Variants in CHAT observed in about 807,000 individuals in gnomAD.
CHAT encodes the protein choline O-acetyltransferase.
In CHAT, 61 loss-of-function variants were observed where a neutral mutation model predicts 76.9. The ratio of observed to expected loss-of-function variants is 0.79; its 90% CI spans 0.65 to 0.98. The LOEUF (loss-of-function observed/expected upper bound fraction) is 0.98. CHAT is among the 50% of genes least tolerant of loss of function. The pLI is 0.00. For missense variants in CHAT, 946 were observed against 986.9 expected, an observed-to-expected ratio of 0.96 and a Z score of 0.56; for synonymous variants, 407 against 397.4, an observed-to-expected ratio of 1.02 and a Z score of -0.29.
chr10:49,659,470 C>T (rs768692488), intron 13 of CHAT, among the ~76,000 whole-genome samples: 1 of 152,094 alleles, frequency 6.6e-6, no homozygotes, highest in African/African-American at 2.4e-5. Context: ...CACAAATCAA[C>T]AGTTGTTGAG....
At chr10:49,620,101 G>T (rs1390438904) in intron 3 of CHAT, among the ~76,000 whole-genome samples, 185 bp downstream of exon 3, 1 of 152,076 alleles carries the variant, frequency 6.6e-6, no homozygotes, top group Admixed American at 6.5e-5. Flanking sequence ...GGACAAGGAT[G>T]AGAAACAAAC....
At chr10:49,644,425 G>C (rs1269720593) in intron 7 of CHAT, among the ~76,000 whole-genome samples, 1 of 152,184 alleles carries the variant, frequency 6.6e-6, no homozygotes, top group Non-Finnish European at 1.5e-5. Context: ...GAGCTTACAG[G>C]AAGGGGAGTT....
intron 7 of CHAT, among the ~76,000 whole-genome samples, chr10:49,638,951 A>G (rs1002562992): frequency 6.6e-6 from 1 of 152,104 alleles, no homozygotes; most frequent in African/African-American, 2.4e-5. Context: ...AAACTTTCTT[A>G]GGGACCAGCT....
upstream of CHAT, chr10:49,610,483 C>A (rs1838260201): frequency 5.0e-6 from 2 of 400,856 alleles, no homozygotes; most frequent in South Asian, 1.2e-4. Flanking sequence ...CCCCTCGGCG[C>A]GCCCGACTTC....
chr10:49,664,449 A>G (rs1276186980), intron 14 of CHAT, among the ~76,000 whole-genome samples: 1 of 152,130 alleles, frequency 6.6e-6, no homozygotes, highest in Non-Finnish European at 1.5e-5. Flanking sequence ...TTAGTAAATT[A>G]CCTGATTGCC....
intron 4 of CHAT, 42 bp from the exon 5 acceptor site, chr10:49,622,055 A>G: frequency 1.5e-6 from 1 of 649,558 alleles, no homozygotes; most frequent in South Asian, 2.6e-5. Flanking sequence ...GGAGGAAGCC[A>G]GGCCCTGGGA....
Position 49,665,302 on chromosome 10 carries a change from C to G in CHAT, c.*256C>G, listed in dbSNP as rs532162321. Among the ~76,000 whole-genome samples, 1 of 152,258 alleles carries G rather than the reference C, an allele frequency of 6.6e-6. No homozygotes were observed. The highest frequency in any genetic ancestry group is 2.4e-5 in the African/African-American group (1 of 41,554). ...TGGGACCTGCCTGGCTCAGAGGCAG[C>G]CTGGATGCACTGGGGAACCACACTA... On this transcript the variant is annotated 3_prime_UTR_variant, in exon 15 of 15. Transcript: ENST00000337653.
At chr10:49,633,989 G>T (rs1054359593) in intron 7 of CHAT, among the ~76,000 whole-genome samples, 1 of 152,224 alleles carries the variant, frequency 6.6e-6, no homozygotes, top group African/African-American at 2.4e-5. Flanking sequence ...GTCATCCAGA[G>T]CTAGGCATGT....
chr10:49,631,152 G>GA (rs1188103678), intron 7 of CHAT, among the ~76,000 whole-genome samples: 1 of 152,212 alleles, frequency 6.6e-6, no homozygotes, highest in Admixed American at 6.5e-5. Flanking sequence ...GCTGGAATCT[G>GA]AGCTGAGTAA....
chr10:49,644,572 C>T (rs892317775), intron 7 of CHAT, among the ~76,000 whole-genome samples: 10 of 152,136 alleles, frequency 6.6e-5, no homozygotes, highest in Admixed American at 5.9e-4. Flanking sequence ...CTCATAGGGA[C>T]GAGGAGGGGT....
intron 7 of CHAT, among the ~76,000 whole-genome samples, chr10:49,639,722 GT>G (rs989720627): frequency 1.3e-5 from 2 of 152,044 alleles, no homozygotes; most frequent in Non-Finnish European, 2.9e-5. Flanking sequence ...CATGTTTGGG[GT>G]TAACTTACCT....
upstream of CHAT, chr10:49,610,417 G>A (rs925380289): frequency 2.3e-5 from 7 of 299,680 alleles, no homozygotes; most frequent in African/African-American, 1.5e-4. Context: ...CTCTTAGCGC[G>A]GCGGGGGCTG....
chr10:49,665,869 C>T lies in CHAT; in HGVS notation c.*823C>T, dbSNP rs191980394. 6.6e-6 allele frequency among the ~76,000 whole-genome samples: 1 copy of T among 152,282 alleles called. No individual in the cohort carries two copies. Among genetic ancestry groups the T allele is most frequent in the East Asian group, 1.9e-4 (1 of 5,174 alleles). On this transcript the variant is annotated 3_prime_UTR_variant, in exon 15 of 15. Coordinates refer to ENST00000337653, the MANE Select transcript of CHAT (RefSeq NM_020549.5). ...CTGGTGCCGGTGGGTTTGCAGAGGACCTGGCCCCTTCCCGGGGTCCTGCCA... is the reference window on the plus strand; with the variant it reads ...CTGGTGCCGGTGGGTTTGCAGAGGATCTGGCCCCTTCCCGGGGTCCTGCCA...
upstream of CHAT, chr10:49,612,734 T>G: frequency 1.5e-5 from 3 of 199,756 alleles, no homozygotes; most frequent in Non-Finnish European, 2.1e-5. Flanking sequence ...CGAGTCTCTT[T>G]ACTGGTGGGG....
intron 7 of CHAT, among the ~76,000 whole-genome samples, chr10:49,631,530 T>C (rs575200488): frequency 2.0e-5 from 3 of 152,298 alleles, no homozygotes; most frequent in South Asian, 2.1e-4. Context: ...ACGACACAAT[T>C]TGGCCCATAA....
chr10:49,619,850 C>T lies in CHAT; in HGVS notation c.513C>T (p.Ala171=), dbSNP rs1430811101. ...KSQAIVQQFG[A]PGGLGETLQQ... is the part of the protein sequence containing the mutation. Reference sequence around the variant, plus strand: ...AGGCCATTGTGCAGCAGTTTGGGGCCCCTGGTGGCCTCGGCGAGACCCTGC... The same window carrying T: ...AGGCCATTGTGCAGCAGTTTGGGGCTCCTGGTGGCCTCGGCGAGACCCTGC... The change falls in exon 3 of 15, where the codon GCC becomes GCT. Residue 171 remains alanine (A), a synonymous_variant. Coordinates refer to ENST00000337653, the MANE Select transcript of CHAT (RefSeq NM_020549.5). 6 of 1,613,502 alleles carry T rather than the reference C, an allele frequency of 3.7e-6. No homozygotes were observed. Among genetic ancestry groups the T allele is most frequent in the African/African-American group, 1.3e-5 (1 of 74,904 alleles).
At chr10:49,662,324 A>T (rs1473997182) in intron 13 of CHAT, among the ~76,000 whole-genome samples, 2 of 152,162 alleles carry the variant, frequency 1.3e-5, no homozygotes, top group Non-Finnish European at 2.9e-5. Flanking sequence ...CATTCTTTCC[A>T]CTTAGAGAAC....
intron 14 of CHAT, among the ~76,000 whole-genome samples, chr10:49,663,143 T>C (rs7898250): frequency 0.4 from 61,306 of 151,730 alleles, 12,936 homozygotes; most frequent in East Asian, 0.69. Flanking sequence ...AATAAGAGGA[T>C]TGCTTGAGCT....
chr10:49,609,775 T>A (rs554868562), upstream of CHAT, among the ~76,000 whole-genome samples: 9 of 150,900 alleles, frequency 6.0e-5, no homozygotes, highest in Admixed American at 5.9e-4. Context: ...GGAGAAAGGG[T>A]TGGGGGTGTC....
Sources: gnomAD v4.1 joint callset for allele counts (sites outside exome capture counted in the v4.1 genomes callset) on GRCh38, gnomAD v4.1.1 for gene constraint, MANE v1.5 for transcripts, NCBI Gene and HGNC (gene_info 2026-07-23, HGNC 2026-07-21) for gene names.